RBFOX3: variants seen among roughly 807,000 people sequenced by gnomAD.
The protein encoded by RBFOX3 is RNA binding fox-1 homolog 3.
RBFOX3 carries 17 observed loss-of-function variants against 48.7 expected under a neutral mutation model. The observed-to-expected ratio is 0.35, with a 90% CI of 0.24 to 0.52. RBFOX3 has a LOEUF of 0.52. Among genes scored for constraint, RBFOX3 ranks in the 20% least tolerant of loss-of-function variants. RBFOX3 has a pLI of 0.94. For missense variants in RBFOX3, 382 were observed against 497.5 expected (o/e 0.77, Z 2.21); for synonymous variants, 212 against 209.5 (o/e 1.01, Z -0.10).
intron 9 of RBFOX3, chr17:79,099,108 G>C (rs1346426985): frequency 6.6e-6 from 1 of 152,398 alleles, no homozygotes; most frequent in Non-Finnish European, 1.5e-5. Context: ...TAAATCCCAG[G>C]TTAGGAAGGA....
intron 4 of RBFOX3, among the ~76,000 whole-genome samples, chr17:79,138,511 C>T (rs1238989079): frequency 1.3e-5 from 2 of 152,104 alleles, no homozygotes; most frequent in East Asian, 1.9e-4. Context: ...ACAGCCCACA[C>T]TGCATCCACA....
At chr17:79,403,971 G>T (rs952448516) in intron 2 of RBFOX3, among the ~76,000 whole-genome samples, 7 of 151,950 alleles carry the variant, frequency 4.6e-5, no homozygotes, top group Non-Finnish European at 8.8e-5. Flanking sequence ...GTAGAGACGG[G>T]GTTTCACCAT....
upstream of RBFOX3, among the ~76,000 whole-genome samples, chr17:79,611,426 G>C (rs1283853841): frequency 8.6e-5 from 13 of 151,872 alleles, no homozygotes; most frequent in Non-Finnish European, 1.9e-4. Flanking sequence ...CAACTCCTCG[G>C]GGCAGGGGCA....
At chr17:79,200,537 G>A (rs979027692) in intron 4 of RBFOX3, among the ~76,000 whole-genome samples, 8 of 152,222 alleles carry the variant, frequency 5.3e-5, no homozygotes, top group African/African-American at 1.4e-4. Context: ...AGCGGTGGCC[G>A]AGCAGAAGCC....
chr17:79,484,273 G>A (rs752232670), intron 1 of RBFOX3, among the ~76,000 whole-genome samples: 62 of 152,168 alleles, frequency 4.1e-4, no homozygotes, highest in Non-Finnish European at 7.6e-4. Context: ...AAGAACCGAA[G>A]AGCAGAACCA....
At chr17:79,172,169 G>A (rs557737605) in intron 4 of RBFOX3, among the ~76,000 whole-genome samples, 64 of 83,318 alleles carry the variant, frequency 7.7e-4, no homozygotes, top group African/African-American at 2.5e-3. Flanking sequence ...GTGAGAGTCC[G>A]TCTCAAAAAA....
intron 2 of RBFOX3, among the ~76,000 whole-genome samples, chr17:79,352,759 C>A (rs2084201420): frequency 6.6e-6 from 1 of 152,304 alleles, no homozygotes; most frequent in Non-Finnish European, 1.5e-5. Flanking sequence ...AGCCTGCTGC[C>A]CCCCAGAAAT....
intron 3 of RBFOX3, among the ~76,000 whole-genome samples, 156 bp from the exon 4 acceptor site, chr17:79,235,961 C>T (rs2061582737): frequency 6.6e-6 from 1 of 152,184 alleles, no homozygotes. Flanking sequence ...CTGGGTTAAC[C>T]TCTGGCTGCC....
chr17:79,354,567 C>T (rs1036462001), intron 2 of RBFOX3, among the ~76,000 whole-genome samples: 1 of 152,278 alleles, frequency 6.6e-6, no homozygotes, highest in Non-Finnish European at 1.5e-5. Context: ...ACAGACTTCA[C>T]TTCCACCACG....
intron 4 of RBFOX3, among the ~76,000 whole-genome samples, chr17:79,210,183 G>A: frequency 6.6e-6 from 1 of 152,162 alleles, no homozygotes; most frequent in Non-Finnish European, 1.5e-5. Flanking sequence ...AGTGCAGGGG[G>A]CCACCCGGTT....
At chr17:79,319,933 G>C (rs1598245112) in intron 2 of RBFOX3, among the ~76,000 whole-genome samples, 1 of 142,120 alleles carries the variant, frequency 7.0e-6, no homozygotes, top group Non-Finnish European at 1.5e-5. Flanking sequence ...TCTATGTCTG[G>C]GCTGTTGGTC....
intron 3 of RBFOX3, among the ~76,000 whole-genome samples, chr17:79,246,658 G>A (rs17742262): frequency 0.039 from 5,863 of 152,258 alleles, 155 homozygotes; most frequent in Middle Eastern, 0.078. Flanking sequence ...AGGCACAGCC[G>A]GGATGTCTCT....
chr17:79,366,905 G>A (rs558845249), intron 2 of RBFOX3, among the ~76,000 whole-genome samples: 3 of 152,178 alleles, frequency 2.0e-5, no homozygotes, highest in Non-Finnish European at 4.4e-5. Flanking sequence ...CCAGAGTACT[G>A]TCCTCAGAGA....
intron 2 of RBFOX3, among the ~76,000 whole-genome samples, chr17:79,358,382 C>A (rs116827085): frequency 1.3e-5 from 2 of 152,204 alleles, no homozygotes; most frequent in South Asian, 2.1e-4. Context: ...CGGCACACTG[C>A]CCTCCCTTCT....
rs2079237018 is a variant in RBFOX3, at chr17:79,484,490, A to AGGGGCCTGGGTGCAGGGGCCTGGGTGCAG, written c.-319-1893_-319-1892insCTGCACCCAGGCCCCTGCACCCAGGCCCC. On this transcript the variant is annotated intron_variant, in intron 1 of 14. Transcript: ENST00000693108. The stretch of plus-strand genomic sequence containing the variant: ...GCCTGGGTGCAGGGGGCCTGGGTGC[A>AGGGGCCTGGGTGCAGGGGCCTGGGTGCAG]GGGGCCTGGGTGCAGGGGGCCTGGG... Among the ~76,000 whole-genome samples the AGGGGCCTGGGTGCAGGGGCCTGGGTGCAG allele has an allele frequency of 3.9e-4, 23 of 59,346 alleles. No homozygotes were observed. The East Asian group carries it at 4.1e-3, about 10-fold the overall frequency. The allele number at this position is 59,346 out of a possible 152,430, so 38.9% of individuals were successfully genotyped here. A position where few individuals can be genotyped will look rare whatever the true frequency, so the allele number is the denominator to read the frequency against.
At position 79,092,072 on chromosome 17, in the gene RBFOX3, A is replaced by G. The variant is rs150621500; in HGVS notation, c.1078-1187T>C. On this transcript the variant is annotated intron_variant, in intron 14 of 14. Coordinates refer to ENST00000693108, the MANE Select transcript of RBFOX3 (RefSeq NM_001350451.2). ...GCACCCTCAGGCCGGGGAGACCCAC[A>G]CTGGGTGCCTGGAGCCCCTCCCTCC... is the stretch of plus-strand genomic sequence containing the variant. 569 of 985,486 alleles carry G rather than the reference A, an allele frequency of 5.8e-4. 2 individuals carry two copies. The African/African-American group carries it at 9.0e-3, about 16-fold the overall frequency. The allele number at this position is 985,486 out of a possible 1,614,324, so 61.0% of individuals were successfully genotyped here.
chr17:79,328,902 C>T (rs753323137), intron 2 of RBFOX3, among the ~76,000 whole-genome samples: 7 of 152,158 alleles, frequency 4.6e-5, no homozygotes, highest in Non-Finnish European at 1.0e-4. Context: ...GCAAAGGACT[C>T]AGGGTCCGAG....
intron 4 of RBFOX3, among the ~76,000 whole-genome samples, chr17:79,170,971 G>C (rs2049157262): frequency 6.6e-6 from 1 of 152,118 alleles, no homozygotes; most frequent in Non-Finnish European, 1.5e-5. Context: ...CACAGGTCCA[G>C]ACCCCAAACA....
At chr17:79,538,184 G>T (rs1467486233) in intron 1 of RBFOX3, among the ~76,000 whole-genome samples, 2 of 152,228 alleles carry the variant, frequency 1.3e-5, no homozygotes, top group Non-Finnish European at 2.9e-5. Context: ...CCCTTCCCAG[G>T]CTGTTGTGAA....
Sources: gnomAD v4.1 joint callset for allele counts (sites outside exome capture counted in the v4.1 genomes callset) on GRCh38, gnomAD v4.1.1 for gene constraint, MANE v1.5 for transcripts, NCBI Gene and HGNC (gene_info 2026-07-23, HGNC 2026-07-21) for gene names.